The following TPTE variants were observed in gnomAD, a reference collection of about 807,000 sequenced individuals.
TPTE encodes the protein transmembrane phosphatase with tensin homology.
TPTE carries 59 observed loss-of-function variants against 84.1 expected under a neutral mutation model. That is an observed-to-expected ratio of 0.70 (90% CI 0.57 to 0.87). The LOEUF (loss-of-function observed/expected upper bound fraction) is 0.87. TPTE is among the 40% of genes least tolerant of loss of function. The pLI, the probability that TPTE is intolerant of heterozygous loss-of-function variation, is 0.00. For synonymous variants in TPTE, 130 were observed against 223.5 expected (o/e 0.58, Z 3.73); for missense variants, 382 against 659.6 (o/e 0.58, Z 4.61).
intron 3 of TPTE, among the ~76,000 whole-genome samples, chr21:10,529,094 G>A (rs1473308988): frequency 6.6e-6 from 1 of 152,300 alleles, no homozygotes; most frequent in Non-Finnish European, 1.5e-5. Context: ...TGAGGCAGAA[G>A]GATCACTTGA....
At chr21:10,524,959 A>G (rs1206269270) in intron 2 of TPTE, among the ~76,000 whole-genome samples, 3 of 152,310 alleles carry the variant, frequency 2.0e-5, no homozygotes, top group Non-Finnish European at 4.4e-5. Flanking sequence ...AAAACAAACC[A>G]AGCCTCATTC....
chr21:10,542,039 G>A (rs2074378972), intron 5 of TPTE, among the ~76,000 whole-genome samples: 1 of 152,308 alleles, frequency 6.6e-6, no homozygotes, highest in African/African-American at 2.4e-5. Context: ...GCTAATGGAG[G>A]GCCTTTTAAG....
chr21:10,590,311 A>G lies in TPTE; in HGVS notation c.1028-151A>G. On this transcript the variant is annotated intron_variant, in intron 17 of 23. Coordinates refer to ENST00000618007, the MANE Select transcript of TPTE (RefSeq NM_199261.4). ...GTGAGATGGAGGTCGCAATGAGCCA[A>G]GATTGTGCCACTGCACTCCAGCCTG... is the stretch of plus-strand genomic sequence containing the variant. 3.4e-6 allele frequency: 5 copies of G among 1,464,692 alleles called. No individual in the cohort carries two copies. The South Asian group carries it at 5.8e-5, about 17-fold the overall frequency. The allele number at this position is 1,464,692 out of a possible 1,614,324, so 90.7% of individuals were successfully genotyped here. A position where few individuals can be genotyped will look rare whatever the true frequency, so the allele number is the denominator to read the frequency against.
rs1342250676 is a variant in TPTE at position 10,529,059 on chromosome 21, C to T, written c.-44+1647C>T. On this transcript the variant is annotated intron_variant, in intron 3 of 23. Coordinates refer to ENST00000618007, the MANE Select transcript of TPTE (RefSeq NM_199261.4). The stretch of plus-strand genomic sequence containing the variant: ...ATTAGCTGGGCATGGTGGTGCATGC[C>T]TGCAGTCCCAGCTACTCGGGAGGCT... 5.2e-5 allele frequency among the ~76,000 whole-genome samples: 8 copies of T among 152,422 alleles called. No individual in the cohort carries two copies. The East Asian group carries it at 1.2e-3, about 22-fold the overall frequency.
chr21:10,576,669 C>T (rs2075157688), intron 14 of TPTE: 3 of 152,318 alleles, frequency 2.0e-5, no homozygotes, highest in South Asian at 4.1e-4. Flanking sequence ...CCATACTAAT[C>T]AGTTTTAAAA....
intron 8 of TPTE, among the ~76,000 whole-genome samples, chr21:10,557,817 G>T (rs1168931187): frequency 3.1e-3 from 475 of 151,396 alleles, no homozygotes; most frequent in African/African-American, 0.011. Flanking sequence ...CAGGGAGGTT[G>T]TTTTTTTTTA....
chr21:10,531,086 A>G (rs1241470465), intron 3 of TPTE, among the ~76,000 whole-genome samples: 1 of 152,310 alleles, frequency 6.6e-6, no homozygotes, highest in African/African-American at 2.4e-5. Context: ...TTTTAAAATT[A>G]TGTTTAATTT....
intron 17 of TPTE, among the ~76,000 whole-genome samples, chr21:10,583,342 GT>G (rs1172423935): frequency 4.6e-5 from 7 of 152,390 alleles, no homozygotes; most frequent in Middle Eastern, 3.4e-3. Context: ...GATTGAGGAA[GT>G]TTTTTTTAAG....
chr21:10,537,058 G>A (rs1266835397), intron 3 of TPTE, among the ~76,000 whole-genome samples: 1 of 152,312 alleles, frequency 6.6e-6, no homozygotes, highest in Non-Finnish European at 1.5e-5. Flanking sequence ...TTGACCCTGT[G>A]TGAGAGCAGA....
At chr21:10,534,981 C>CT (rs1317322711) in intron 3 of TPTE, among the ~76,000 whole-genome samples, 1 of 152,310 alleles carries the variant, frequency 6.6e-6, no homozygotes, top group Admixed American at 6.5e-5. Context: ...AATTAATGAT[C>CT]TCATAGTCCT....
In TPTE at chr21:10,605,502, C is replaced by A. The variant is rs775720107; in HGVS notation, c.1606C>A (p.Leu536Ile). 6.2e-7 allele frequency: 1 copy of A among 1,614,236 alleles called. No individual in the cohort carries two copies. The highest frequency in any genetic ancestry group is 2.2e-5 in the East Asian group (1 of 44,880). ...TCCATCAGATTTTGCCGTGGAGATA[C>A]TTTTTGGCGAGAAAATGACTTCCAG... The part of the protein sequence containing the change: ...IYPSDFAVEI[L>I]FGEKMTSSDV... The change falls in exon 24 of 24, where the codon CTT becomes ATT. Residue 536 changes from leucine to isoleucine, a missense_variant. Leu to Ile is a conservative substitution (Grantham distance 5, BLOSUM62 2). Coordinates refer to ENST00000618007, the MANE Select transcript of TPTE (RefSeq NM_199261.4).
At chr21:10,599,518 G>T (rs1205093438) in intron 21 of TPTE, among the ~76,000 whole-genome samples, 1 of 152,312 alleles carries the variant, frequency 6.6e-6, no homozygotes, top group Non-Finnish European at 1.5e-5. Flanking sequence ...CATCTCAAGT[G>T]TAATGGGAAT....
At chr21:10,522,530 A>C (rs2074001170) in intron 1 of TPTE, among the ~76,000 whole-genome samples, 1 of 152,308 alleles carries the variant, frequency 6.6e-6, no homozygotes, top group Non-Finnish European at 1.5e-5. Flanking sequence ...CGGTCAAAAC[A>C]ATGCGTCTGG....
At chr21:10,583,044 CT>C (rs1215147714) in intron 17 of TPTE, among the ~76,000 whole-genome samples, 2 of 152,302 alleles carry the variant, frequency 1.3e-5, no homozygotes, top group Non-Finnish European at 2.9e-5. Flanking sequence ...AATAATACTG[CT>C]TTTAAAAATA....
rs375855050 is a variant in TPTE at position 10,592,618 on chromosome 21, G to C, written c.1170+245G>C. On this transcript the variant is annotated intron_variant, in intron 19 of 23. Transcript: ENST00000618007. The stretch of plus-strand genomic sequence containing the variant: ...TATTCTATACTGGTTATTGTTTACA[G>C]AGCTCAGGAGTTGATTATTTTCCCA... 2.6e-4 allele frequency among the ~76,000 whole-genome samples: 40 copies of C among 152,344 alleles called. No homozygotes were observed. In the South Asian group the frequency reaches 8.2e-3, roughly 31 times the overall value.
intron 19 of TPTE, among the ~76,000 whole-genome samples, chr21:10,593,525 G>A (rs1423496629): frequency 6.6e-6 from 1 of 152,312 alleles, no homozygotes; most frequent in Non-Finnish European, 1.5e-5. Flanking sequence ...GCAGAAACCA[G>A]GATGTTTATC....
chr21:10,536,682 C>A (rs1206236107), intron 3 of TPTE, among the ~76,000 whole-genome samples: 1 of 152,312 alleles, frequency 6.6e-6, no homozygotes, highest in Non-Finnish European at 1.5e-5. Context: ...ATGTCTTTTA[C>A]ACTGTTTATA....
intron 3 of TPTE, among the ~76,000 whole-genome samples, chr21:10,534,899 C>G (rs1450203431): frequency 5.0e-4 from 76 of 152,282 alleles, no homozygotes; most frequent in Non-Finnish European, 9.4e-4. Context: ...GTATGAGATT[C>G]TACCAGGTTA....
intron 17 of TPTE, among the ~76,000 whole-genome samples, chr21:10,583,469 AT>A (rs2075304827): frequency 6.6e-6 from 1 of 152,290 alleles, no homozygotes. Flanking sequence ...GTGTATTCTG[AT>A]TTCAATTCTG....
Sources: allele counts gnomAD v4.1 joint callset (sites outside exome capture counted in the v4.1 genomes callset), GRCh38; gene constraint gnomAD v4.1.1; transcripts MANE v1.5; gene names NCBI Gene and HGNC (gene_info 2026-07-23, HGNC 2026-07-21).